Variants in TERB2 observed in about 807,000 individuals in gnomAD.
TERB2 encodes telomere repeat binding bouquet formation protein 2, also known as telomere repeats-binding bouquet formation protein 2.
In TERB2, 26 loss-of-function variants were observed where a neutral mutation model predicts 29.8. That is an observed-to-expected ratio of 0.87 (90% confidence interval 0.64 to 1.21). TERB2 has a LOEUF of 1.21. Among genes scored for constraint, TERB2 ranks in the 50% most tolerant of loss-of-function variants. The pLI, the probability that TERB2 is intolerant of heterozygous loss-of-function variation, is 0.00. For synonymous variants in TERB2, 80 were observed against 90.8 expected (o/e 0.88, Z 0.68); for missense variants, 240 against 268.6 (o/e 0.89, Z 0.74).
chr15:44,972,211 G>A (rs1476164133), intron 5 of TERB2, among the ~76,000 whole-genome samples: 1 of 151,608 alleles, frequency 6.6e-6, no homozygotes, highest in East Asian at 1.9e-4. Context: ...GGCCGGTTGT[G>A]AACTCCTGAC....
chr15:44,964,191 TA>T (rs1263865846), intron 4 of TERB2, among the ~76,000 whole-genome samples: 2 of 152,202 alleles, frequency 1.3e-5, no homozygotes, highest in Non-Finnish European at 2.9e-5. Context: ...ATTTTTATTT[TA>T]TTTTTTTTAA....
chr15:44,974,362 C>G (rs1166815103), intron 6 of TERB2, among the ~76,000 whole-genome samples: 1 of 152,122 alleles, frequency 6.6e-6, no homozygotes, highest in Non-Finnish European at 1.5e-5. Context: ...AGAAACATAA[C>G]ACACACACTG....
intron 4 of TERB2, among the ~76,000 whole-genome samples, chr15:44,964,413 A>G (rs1891853550): frequency 6.6e-6 from 1 of 152,022 alleles, no homozygotes; most frequent in South Asian, 2.1e-4. Context: ...GACTTTTCAC[A>G]GTGTTTCCAG....
At chr15:44,978,363 C>A in intron 6 of TERB2, 126 bp from the exon 7 acceptor site, 1 of 1,267,876 alleles carries the variant, frequency 7.9e-7, no homozygotes, top group East Asian at 3.0e-5. Context: ...GGTATTATTT[C>A]TTCTTTTTAC....
intron 3 of TERB2, among the ~76,000 whole-genome samples, chr15:44,959,637 G>T (rs1231525918): frequency 2.0e-5 from 3 of 152,124 alleles, no homozygotes; most frequent in Non-Finnish European, 4.4e-5. Context: ...CAAAGTGCTG[G>T]GAATACAGGC....
At chr15:44,961,929 C>T (rs1306236050) in intron 4 of TERB2, among the ~76,000 whole-genome samples, 1 of 151,934 alleles carries the variant, frequency 6.6e-6, no homozygotes, top group Admixed American at 6.6e-5. Flanking sequence ...CGAACTCTGG[C>T]CCTCAAGTGA....
intron 2 of TERB2, among the ~76,000 whole-genome samples, chr15:44,957,845 C>T (rs2141237762): frequency 7.2e-6 from 1 of 139,458 alleles, no homozygotes; most frequent in South Asian, 2.5e-4. Context: ...AGATTTAGAT[C>T]GTGGCTGTGC....
chr15:44,957,156 G>A lies in TERB2; in HGVS notation c.146+179G>A, dbSNP rs184180662. Among the ~76,000 whole-genome samples the A allele has an allele frequency of 5.9e-3, 888 of 151,542 alleles. 8 individuals carry two copies. The highest frequency in any genetic ancestry group is 0.02 in the African/African-American group (844 of 41,252). On this transcript the variant is annotated intron_variant, in intron 2 of 6. Coordinates refer to ENST00000340827, the MANE Select transcript of TERB2 (RefSeq NM_152448.3). ...TTGAACTCGGGAGGCGGAGGTTGCA[G>A]TGAGCCAAGATCGCACCACTGCACT...
At chr15:44,978,323 T>C (rs575704451) in intron 6 of TERB2, among the ~76,000 whole-genome samples, 166 bp from the exon 7 acceptor site, 38 of 152,296 alleles carry the variant, frequency 2.5e-4, no homozygotes, top group South Asian at 1.2e-3. Context: ...TCCCGGATAA[T>C]TATAAGGTTT....
intron 4 of TERB2, among the ~76,000 whole-genome samples, chr15:44,961,957 C>G (rs1046398755): frequency 3.3e-5 from 5 of 151,548 alleles, no homozygotes; most frequent in African/African-American, 1.2e-4. Context: ...ACCTTGACCT[C>G]CCGAAGTGCT....
chr15:44,957,197 G>A (rs1406381949), intron 2 of TERB2, among the ~76,000 whole-genome samples: 3 of 148,858 alleles, frequency 2.0e-5, no homozygotes, highest in African/African-American at 7.4e-5. Flanking sequence ...CTGGGTGACA[G>A]AGCAAGATTC....
At chr15:44,960,305 C>T (rs895019941) in intron 3 of TERB2, among the ~76,000 whole-genome samples, 3 of 152,030 alleles carry the variant, frequency 2.0e-5, no homozygotes, top group Admixed American at 6.5e-5. Context: ...CAAATGTGAG[C>T]CACATATGAA....
chr15:44,973,362 T>G (rs1362090432), intron 5 of TERB2, among the ~76,000 whole-genome samples: 2 of 152,348 alleles, frequency 1.3e-5, no homozygotes. Flanking sequence ...AGTATTGCAT[T>G]ATTGTACTTT....
chr15:44,968,652 T>G (rs1857998975), intron 5 of TERB2, among the ~76,000 whole-genome samples: 1 of 137,824 alleles, frequency 7.3e-6, no homozygotes, highest in Admixed American at 8.1e-5. Flanking sequence ...TGGAGTGCAG[T>G]GGCACGATTT....
chr15:44,975,653 G>A (rs1435293374), intron 6 of TERB2, among the ~76,000 whole-genome samples: 1 of 151,906 alleles, frequency 6.6e-6, no homozygotes, highest in Non-Finnish European at 1.5e-5. Context: ...TCAGTCCTGT[G>A]CATTATAGCA....
chr15:44,957,933 G>A (rs1212359082), intron 2 of TERB2, among the ~76,000 whole-genome samples: 1 of 151,760 alleles, frequency 6.6e-6, no homozygotes, highest in Non-Finnish European at 1.5e-5. Flanking sequence ...GTTCATGCAT[G>A]CCTTTTTCTT....
chr15:44,974,959 T>A (rs927315309), intron 6 of TERB2, among the ~76,000 whole-genome samples: 53 of 152,174 alleles, frequency 3.5e-4, no homozygotes, highest in Non-Finnish European at 1.8e-4. Context: ...CAGCCATACA[T>A]AAGGACATAT....
At chr15:44,961,949 C>G (rs1282893815) in intron 4 of TERB2, among the ~76,000 whole-genome samples, 1 of 152,002 alleles carries the variant, frequency 6.6e-6, no homozygotes, top group African/African-American at 2.4e-5. Context: ...ATCCGCCCAC[C>G]TTGACCTCCC....
intron 3 of TERB2, among the ~76,000 whole-genome samples, chr15:44,958,943 C>T (rs1185897470): frequency 6.6e-6 from 1 of 152,190 alleles, no homozygotes; most frequent in Non-Finnish European, 1.5e-5. Context: ...CTTTGGGAAA[C>T]TGAGGCGGGC....
Sources: allele counts gnomAD v4.1 joint callset (sites outside exome capture counted in the v4.1 genomes callset), GRCh38; gene constraint gnomAD v4.1.1; transcripts MANE v1.5; gene names NCBI Gene and HGNC (gene_info 2026-07-23, HGNC 2026-07-21).